The following OR4E1 variants were observed in gnomAD, a reference collection of about 807,000 sequenced individuals.
OR4E1 encodes olfactory receptor 4E1.
chr14:21,670,767 G>C lies in OR4E1; in HGVS notation c.169C>G (p.His57Asp), dbSNP rs1419587464. ...AAATACATGGGAGTATGGAGCCGGT[G>C]GTCATAGATAATAGTTATGACAATG... ...VLIVITIIYD[H>D]RLHTPMYFFL... The change falls in exon 2 of 2, where the codon CAC (histidine) becomes GAC (aspartate). Residue 57 changes from histidine (H) to aspartate (D), a missense_variant. His to Asp is a moderately conservative substitution (Grantham distance 81). Transcript: ENST00000641792. 3 of 400,860 alleles carry C rather than the reference G, an allele frequency of 7.5e-6. No homozygotes were observed. The highest frequency in any genetic ancestry group is 6.2e-5 in the African/African-American group (3 of 48,606). 24.8% of individuals were successfully genotyped at this position (400,860 alleles called of 1,614,324 possible).
rs1234212431 is a variant in OR4E1 at position 21,670,356 on chromosome 14, T to A, written c.580A>T (p.Ile194Phe). Reference sequence around the variant, plus strand: ...AGGATCTCAATGACGTGGGTGTCAATGCAGGCCAGCTTGATCACCTGAGGT... The same window carrying A: ...AGGATCTCAATGACGTGGGTGTCAAAGCAGGCCAGCTTGATCACCTGAGGT... ...DVPQVIKLAC[I>F]DTHVIEILIV... The change falls in exon 2 of 2, where the codon ATT (isoleucine) becomes TTT (phenylalanine). Residue 194 changes from isoleucine (I) to phenylalanine (F), a missense_variant. Transcript: ENST00000641792. 1 of 398,184 alleles carries A rather than the reference T, an allele frequency of 2.5e-6. No individual in the cohort carries two copies. Among genetic ancestry groups the A allele is most frequent in the East Asian group, 3.6e-5 (1 of 28,030 alleles). The allele number at this position is 398,184 out of a possible 1,614,324, so 24.7% of individuals were successfully genotyped here. A position where few individuals can be genotyped will look rare whatever the true frequency, so the allele number is the denominator to read the frequency against.
intron 1 of OR4E1, among the ~76,000 whole-genome samples, chr14:21,671,312 C>A (rs539027408): frequency 2.4e-4 from 36 of 152,196 alleles, no homozygotes; most frequent in South Asian, 1.2e-3. Context: ...TTAAGATTCT[C>A]TTTAACTCAA....
chr14:21,673,083 C>T lies in OR4E1; in HGVS notation c.-18+7G>A, dbSNP rs896671415. The T allele has an allele frequency of 6.6e-6, 1 of 152,132 alleles. No homozygotes were observed. Among genetic ancestry groups the T allele is most frequent in the Non-Finnish European group, 1.5e-5 (1 of 68,016 alleles). 9.4% of individuals were successfully genotyped at this position (152,132 alleles called of 1,614,324 possible). On this transcript the variant is annotated splice_region_variant and intron_variant, in intron 1 of 1. Coordinates refer to ENST00000641792, the MANE Select transcript of OR4E1 (RefSeq NM_001317107.2). ...TGAAGTTGGACTAGTCAGATAACCCCATTTACCTTGCTTTCTCCAATAAGA... is the reference window on the plus strand; with the variant it reads ...TGAAGTTGGACTAGTCAGATAACCCTATTTACCTTGCTTTCTCCAATAAGA...
Position 21,670,881 on chromosome 14 carries a change from T to C in OR4E1, c.55A>G (p.Arg19Gly), listed in dbSNP as rs144873032. ...QTSLVTYFRL[R>G]GLSVNHKARI... The stretch of plus-strand genomic sequence containing the variant: ...GCCTTATGATTTACAGATAAACCTC[T>C]AAGCCGAAAATATGTCACTAAAGAA... Residue 19 changes from arginine to glycine, a missense_variant, in exon 2 of 2, where the codon AGA becomes GGA. Transcript: ENST00000641792. 191 of 398,804 alleles carry C rather than the reference T, an allele frequency of 4.8e-4. 3 individuals are homozygous for C. Among genetic ancestry groups the C allele is most frequent in the African/African-American group, 3.6e-3 (176 of 48,768 alleles). The allele number at this position is 398,804 out of a possible 1,614,324, so 24.7% of individuals were successfully genotyped here.
At position 21,670,905 on chromosome 14, in the gene OR4E1, A is replaced by G. The variant is rs1306871441; in HGVS notation, c.31T>C (p.Ser11Pro). 2.5e-6 allele frequency: 1 copy of G among 398,584 alleles called. No homozygotes were observed. Among genetic ancestry groups the G allele is most frequent in the African/African-American group, 2.1e-5 (1 of 48,640 alleles). The allele number at this position is 398,584 out of a possible 1,614,324, so 24.7% of individuals were successfully genotyped here. Residue 11 changes from serine to proline, a missense_variant, in exon 2 of 2, where the codon TCT (serine) becomes CCT (proline). Ser to Pro is a moderately conservative substitution (Grantham distance 74). Coordinates refer to ENST00000641792, the MANE Select transcript of OR4E1 (RefSeq NM_001317107.2). ...CTAAGCCGAAAATATGTCACTAAAGAAGTTTGATTGAGTAGGATGGCCTCT... is the reference window on the plus strand; with the variant it reads ...CTAAGCCGAAAATATGTCACTAAAGGAGTTTGATTGAGTAGGATGGCCTCT... Reference protein sequence around the residue: MEEAILLNQTSLVTYFRLRGL... With the variant: MEEAILLNQTPLVTYFRLRGL...
rs17109038 is a variant in OR4E1, at chr14:21,670,262, A to T, written c.674T>A (p.Ile225Asn). The T allele has an allele frequency of 8.7e-3, 3,479 of 398,936 alleles. 114 individuals carry two copies. The highest frequency in any genetic ancestry group is 0.063 in the African/African-American group (3,092 of 48,734). 24.7% of individuals were successfully genotyped at this position (398,936 alleles called of 1,614,324 possible). A position where few individuals can be genotyped will look rare whatever the true frequency, so the allele number is the denominator to read the frequency against. ...FVVLVVSYAVILVSLRQQISK... is the reference protein window; with the variant it reads ...FVVLVVSYAVNLVSLRQQISK... Reference sequence around the variant, plus strand: ...GATCTGCTGCCTCAGACTCACCAGGATGACTGCGTAGGACACCACCAGGAC... The same window carrying T: ...GATCTGCTGCCTCAGACTCACCAGGTTGACTGCGTAGGACACCACCAGGAC... The change falls in exon 2 of 2, where the codon ATC (isoleucine) becomes AAC (asparagine). Residue 225 changes from isoleucine (I) to asparagine (N), a missense_variant. Transcript: ENST00000641792.
At position 21,670,913 on chromosome 14, in the gene OR4E1, T is replaced by C. The variant is rs1880908095; in HGVS notation, c.23A>G (p.Asn8Ser). The stretch of plus-strand genomic sequence containing the variant: ...AAAATATGTCACTAAAGAAGTTTGA[T>C]TGAGTAGGATGGCCTCTTCCATTCT... MEEAILL[N>S]QTSLVTYFRL... is the part of the protein sequence containing the mutation. The change falls in exon 2 of 2, where the codon AAT becomes AGT. Residue 8 changes from asparagine to serine, a missense_variant. Transcript: ENST00000641792. The C allele has an allele frequency of 2.5e-6, 1 of 398,556 alleles. No individual in the cohort carries two copies. The highest frequency in any genetic ancestry group is 4.4e-5 in the Admixed American group (1 of 22,712). The allele number at this position is 398,556 out of a possible 1,614,324, so 24.7% of individuals were successfully genotyped here.
Position 21,673,350 on chromosome 14 carries a change from T to C in OR4E1, c.-278A>G, listed in dbSNP as rs1389934511. Reference sequence around the variant, plus strand: ...AAATGTAGTACAGAAATAATATATATGTTTTCACTTTTCCAGATTGTAGTG... The same window carrying C: ...AAATGTAGTACAGAAATAATATATACGTTTTCACTTTTCCAGATTGTAGTG... On this transcript the variant is annotated 5_prime_UTR_variant, in exon 1 of 2. Transcript: ENST00000641792. 1 of 152,094 alleles carries C rather than the reference T, an allele frequency of 6.6e-6. No homozygotes were observed. Among genetic ancestry groups the C allele is most frequent in the East Asian group, 1.9e-4 (1 of 5,196 alleles). 9.4% of individuals were successfully genotyped at this position (152,094 alleles called of 1,614,324 possible). A position where few individuals can be genotyped will look rare whatever the true frequency, so the allele number is the denominator to read the frequency against.
At position 21,669,926 on chromosome 14, in the gene OR4E1, T is replaced by C. The variant is rs1426255552; in HGVS notation, c.*62A>G. On this transcript the variant is annotated 3_prime_UTR_variant, in exon 2 of 2. Transcript: ENST00000641792. ...TAGTCTGATAAATATGGTATGTAAC[T>C]TATTCTTTGCAAGGCGCTTCTTTAA... 2.5e-6 allele frequency: 1 copy of C among 397,604 alleles called. No individual in the cohort carries two copies. The highest frequency in any genetic ancestry group is 3.6e-5 in the East Asian group (1 of 28,074). The allele number at this position is 397,604 out of a possible 1,614,324, so 24.6% of individuals were successfully genotyped here.
Position 21,672,116 on chromosome 14 carries a change from T to C in OR4E1, c.-18+974A>G, listed in dbSNP as rs148738126. Among the ~76,000 whole-genome samples, 813 of 152,282 alleles carry C rather than the reference T, an allele frequency of 5.3e-3. 20 individuals are homozygous for C. The highest frequency in any genetic ancestry group is 0.047 in the Admixed American group (722 of 15,292). On this transcript the variant is annotated intron_variant, in intron 1 of 1. Coordinates refer to ENST00000641792, the MANE Select transcript of OR4E1 (RefSeq NM_001317107.2). ...CCTCTCCTTGGTGTCCTGAGTCAGA[T>C]TGTGGGGCAGGGTTAGGGGGACTAT...
chr14:21,673,075 GATAACCCC>G lies in OR4E1; in HGVS notation c.-18+7_-18+14del, dbSNP rs1881037654. The G allele has an allele frequency of 6.6e-6, 1 of 152,120 alleles. No individual in the cohort carries two copies. Among genetic ancestry groups the G allele is most frequent in the Non-Finnish European group, 1.5e-5 (1 of 68,030 alleles). The allele number at this position is 152,120 out of a possible 1,614,324, so 9.4% of individuals were successfully genotyped here. On this transcript the variant is annotated splice_region_variant and intron_variant, in intron 1 of 1. Coordinates refer to ENST00000641792, the MANE Select transcript of OR4E1 (RefSeq NM_001317107.2). Reference sequence around the variant, plus strand: ...AACTTATTTGAAGTTGGACTAGTCAGATAACCCCATTTACCTTGCTTTCTCCAATAAGA... The same window carrying G: ...AACTTATTTGAAGTTGGACTAGTCAGATTTACCTTGCTTTCTCCAATAAGA...
In OR4E1 at chr14:21,667,910, GTTCT is replaced by G. The variant is rs1384482678; in HGVS notation, c.*2074_*2077del. 1 of 152,402 alleles carries G rather than the reference GTTCT, an allele frequency of 6.6e-6. No individual in the cohort carries two copies. The highest frequency in any genetic ancestry group is 2.4e-5 in the African/African-American group (1 of 41,394). The allele number at this position is 152,402 out of a possible 1,614,324, so 9.4% of individuals were successfully genotyped here. ...CCAAGCATCAAGATCTTTTATTTTTGTTCTTTAAGACTCTCTATTTATTTAGTGA... is the reference window on the plus strand; with the variant it reads ...CCAAGCATCAAGATCTTTTATTTTTGTTAAGACTCTCTATTTATTTAGTGA... On this transcript the variant is annotated 3_prime_UTR_variant, in exon 2 of 2. Transcript: ENST00000641792.
chr14:21,670,172 A>C lies in OR4E1; in HGVS notation c.764T>G (p.Leu255Arg), dbSNP rs79581521. ...AAHLTVVTLF[L>R]GHCIFIYSRP... ...GGAATAGATGAAGATGCAGTGTCCCAGGAACAGTGTAACTACAGTGAGATG... is the reference window on the plus strand; with the variant it reads ...GGAATAGATGAAGATGCAGTGTCCCCGGAACAGTGTAACTACAGTGAGATG... Residue 255 changes from leucine (L) to arginine (R), a missense_variant, in exon 2 of 2, where the codon CTG becomes CGG. Transcript: ENST00000641792. 10,532 of 398,790 alleles carry C rather than the reference A, an allele frequency of 0.026. 195 individuals carry two copies. Among genetic ancestry groups the C allele is most frequent in the Non-Finnish European group, 0.036 (8,251 of 226,220 alleles). 24.7% of individuals were successfully genotyped at this position (398,790 alleles called of 1,614,324 possible).
chr14:21,671,611 C>T (rs1044615542), intron 1 of OR4E1, among the ~76,000 whole-genome samples: 2 of 152,272 alleles, frequency 1.3e-5, no homozygotes, highest in South Asian at 4.2e-4. Flanking sequence ...ACCTCTCCTC[C>T]ACCCCTCAGC....
chr14:21,671,856 A>G (rs1160809999), intron 1 of OR4E1, among the ~76,000 whole-genome samples: 1 of 152,194 alleles, frequency 6.6e-6, no homozygotes, highest in Non-Finnish European at 1.5e-5. Flanking sequence ...AAGGGACTTG[A>G]GAGTTGACAT....
intron 1 of OR4E1, among the ~76,000 whole-genome samples, chr14:21,672,558 C>T (rs1881010047): frequency 6.6e-6 from 1 of 152,102 alleles, no homozygotes. Flanking sequence ...TTAAGTGTTA[C>T]TGATTTACAC....
Sources: gnomAD v4.1 joint callset for allele counts (sites outside exome capture counted in the v4.1 genomes callset) on GRCh38, gnomAD v4.1.1 for gene constraint, MANE v1.5 for transcripts, NCBI Gene and HGNC (gene_info 2026-07-23, HGNC 2026-07-21) for gene names.